The following ANKHD1 variants were observed in gnomAD, a reference collection of about 807,000 sequenced individuals.
ANKHD1 encodes the protein ankyrin repeat and KH domain containing 1, also known as ankyrin repeat and KH domain-containing protein 1.
Under a neutral mutation model 230.5 loss-of-function variants are expected in ANKHD1, and 31 were observed. That is an observed-to-expected ratio of 0.13 (90% CI 0.10 to 0.18). The LOEUF (loss-of-function observed/expected upper bound fraction) is 0.18, where lower values mean the gene tolerates loss of function less well. ANKHD1 is among the 10% of genes least tolerant of loss of function. The pLI is 1.00. For missense variants in ANKHD1, 2,256 were observed against 3,071.3 expected (o/e 0.73, Z 6.27); for synonymous variants, 1,074 against 1,117.6 (o/e 0.96, Z 0.78).
intron 15 of ANKHD1, among the ~76,000 whole-genome samples, chr5:140,503,483 C>T (rs1756137042): frequency 6.7e-6 from 1 of 150,038 alleles, no homozygotes; most frequent in Non-Finnish European, 1.5e-5. Flanking sequence ...GGTCAAACTC[C>T]ATCTCTTAAG....
chr5:140,527,784 A>G lies in ANKHD1; in HGVS notation c.5088-89A>G, dbSNP rs1753667775. The G allele has an allele frequency of 1.5e-6, 2 of 1,361,076 alleles. No homozygotes were observed. The highest frequency in any genetic ancestry group is 1.9e-6 in the Non-Finnish European group (2 of 1,043,320). The allele number at this position is 1,361,076 out of a possible 1,614,324, so 84.3% of individuals were successfully genotyped here. A position where few individuals can be genotyped will look rare whatever the true frequency, so the allele number is the denominator to read the frequency against. ...TAGCATTTAAGAAATGTTATTCTCCAAAATGTCCATGAACATACTTACTAA... is the reference window on the plus strand; with the variant it reads ...TAGCATTTAAGAAATGTTATTCTCCGAAATGTCCATGAACATACTTACTAA... On this transcript the variant is annotated intron_variant, in intron 27 of 33. Transcript: ENST00000360839. The surrounding 1 kb of genome is among the most constrained non-coding windows in gnomAD (Gnocchi z 4.5).
intron 13 of ANKHD1, 53 bp from the exon 14 acceptor site, chr5:140,486,905 C>T (rs946436165): frequency 6.4e-6 from 10 of 1,559,048 alleles, no homozygotes; most frequent in Non-Finnish European, 8.7e-6. Context: ...CATTTATGGG[C>T]CTTTGTCTTA....
intron 29 of ANKHD1, among the ~76,000 whole-genome samples, chr5:140,534,383 C>T (rs946716414): frequency 3.4e-5 from 5 of 149,196 alleles, no homozygotes; most frequent in African/African-American, 1.2e-4. Flanking sequence ...CAGAGCAAGA[C>T]TCCGTCTCAA....
At chr5:140,535,334 T>TTTA in intron 29 of ANKHD1, 28 bp from the exon 30 acceptor site, 1 of 1,534,972 alleles carries the variant, frequency 6.5e-7, no homozygotes, top group Non-Finnish European at 8.7e-7. Flanking sequence ...TTTAGCTAAT[T>TTTA]GGATGTCTTG....
intron 22 of ANKHD1, among the ~76,000 whole-genome samples, chr5:140,511,633 T>A (rs1157924414): frequency 1.3e-5 from 2 of 152,154 alleles, no homozygotes; most frequent in African/African-American, 2.4e-5. Flanking sequence ...AGGACAAGAG[T>A]CATGACCATC....
Position 140,539,544 on chromosome 5 carries a change from C to A in ANKHD1, c.*126C>A. 2.8e-6 allele frequency: 3 copies of A among 1,057,312 alleles called. No individual in the cohort carries two copies. Among genetic ancestry groups the A allele is most frequent in the South Asian group, 1.6e-5 (1 of 61,534 alleles). 65.5% of individuals were successfully genotyped at this position (1,057,312 alleles called of 1,614,324 possible). Reference sequence around the variant, plus strand: ...CTTTAGCAATGGAAATTTGATTGCCCATTGTATAAGAACAAATTGATTTCC... The same window carrying A: ...CTTTAGCAATGGAAATTTGATTGCCAATTGTATAAGAACAAATTGATTTCC... On this transcript the variant is annotated 3_prime_UTR_variant, in exon 34 of 34. Transcript: ENST00000360839.
chr5:140,457,720 G>C (rs1366590692), intron 7 of ANKHD1, among the ~76,000 whole-genome samples: 1 of 152,046 alleles, frequency 6.6e-6, no homozygotes, highest in Non-Finnish European at 1.5e-5. Flanking sequence ...CGGGGGAGCG[G>C]GGAGGGAAAG....
At chr5:140,538,588 A>G (rs371676908) in intron 32 of ANKHD1, among the ~76,000 whole-genome samples, 1 of 152,228 alleles carries the variant, frequency 6.6e-6, no homozygotes, top group Non-Finnish European at 1.5e-5. Context: ...TCGGCAATCA[A>G]TTATGTAGAG....
intron 13 of ANKHD1, chr5:140,486,703 G>A (rs1751518207): frequency 4.1e-6 from 1 of 241,628 alleles, no homozygotes; most frequent in Admixed American, 5.1e-5. Flanking sequence ...AACCAGCAAG[G>A]CGTTCTATTC....
chr5:140,515,448 A>G (rs1252023010), intron 24 of ANKHD1, among the ~76,000 whole-genome samples: 1 of 152,208 alleles, frequency 6.6e-6, no homozygotes, highest in African/African-American at 2.4e-5. Context: ...TCCAGAAAAA[A>G]GACGGGAGGA....
chr5:140,488,487 G>A (rs945407410), intron 14 of ANKHD1, among the ~76,000 whole-genome samples: 9 of 151,940 alleles, frequency 5.9e-5, no homozygotes, highest in African/African-American at 2.2e-4. Context: ...TTGGGAGGCT[G>A]AGGCAGGAGA....
At chr5:140,447,664 TC>T (rs575198532) in intron 6 of ANKHD1, among the ~76,000 whole-genome samples, 69 of 152,312 alleles carry the variant, frequency 4.5e-4, no homozygotes, top group African/African-American at 1.6e-3. Flanking sequence ...GTATGGCAGT[TC>T]CATTGTCATC....
At chr5:140,443,415 G>A (rs756709509) in intron 5 of ANKHD1, among the ~76,000 whole-genome samples, 3 of 151,884 alleles carry the variant, frequency 2.0e-5, no homozygotes, top group Non-Finnish European at 4.4e-5. Context: ...AAAAGGCCGG[G>A]CGTGGTGGCT....
intron 6 of ANKHD1, among the ~76,000 whole-genome samples, chr5:140,447,969 T>G (rs1005357258): frequency 1.6e-4 from 25 of 152,146 alleles, no homozygotes; most frequent in African/African-American, 5.5e-4. Context: ...CAGATGAAAC[T>G]GGAGTTCTAT....
chr5:140,406,120 C>G (rs1167554923), intron 1 of ANKHD1, among the ~76,000 whole-genome samples: 2 of 151,716 alleles, frequency 1.3e-5, no homozygotes, highest in Non-Finnish European at 2.9e-5. Flanking sequence ...CGCCTGTAAT[C>G]TGAGTTACTC....
At chr5:140,417,150 C>A (rs1404517886) in intron 1 of ANKHD1, among the ~76,000 whole-genome samples, 1 of 151,690 alleles carries the variant, frequency 6.6e-6, no homozygotes, top group Non-Finnish European at 1.5e-5. Flanking sequence ...TTATTTTTTC[C>A]TGATTTATCC....
intron 1 of ANKHD1, among the ~76,000 whole-genome samples, chr5:140,414,834 T>C (rs1210621533): frequency 1.1e-5 from 1 of 88,762 alleles, no homozygotes; most frequent in East Asian, 5.6e-4. Flanking sequence ...TGAGACCCTG[T>C]CTCAAAAAAA....
intron 33 of ANKHD1, 93 bp downstream of exon 33, chr5:140,539,176 T>C: frequency 6.6e-7 from 1 of 1,517,016 alleles, no homozygotes. Flanking sequence ...TCAAAAGTCA[T>C]AATTGACCAT....
At chr5:140,467,014 T>TA (rs1561767704) in intron 10 of ANKHD1, among the ~76,000 whole-genome samples, 2 of 152,174 alleles carry the variant, frequency 1.3e-5, no homozygotes, top group Admixed American at 6.5e-5. Flanking sequence ...CTAACATAAT[T>TA]ATTCATTTTT....
Sources: gnomAD v4.1 joint callset for allele counts (sites outside exome capture counted in the v4.1 genomes callset) on GRCh38, gnomAD v4.1.1 for gene constraint, Gnocchi (gnomAD v3.1) non-coding constraint, MANE v1.5 for transcripts, NCBI Gene and HGNC (gene_info 2026-07-23, HGNC 2026-07-21) for gene names.